Variants in PDE4D observed in about 807,000 individuals in gnomAD.
The protein encoded by PDE4D is phosphodiesterase 4D, also known as 3',5'-cyclic-AMP phosphodiesterase 4D.
PDE4D carries 24 observed loss-of-function variants against 87.4 expected under a neutral mutation model. The observed-to-expected ratio is 0.27, with a 90% CI of 0.20 to 0.39. The LOEUF is 0.39. Among genes scored for constraint, PDE4D ranks in the 10% least tolerant of loss-of-function variants. The pLI, the probability that PDE4D is intolerant of heterozygous loss-of-function variation, is 1.00. For synonymous variants in PDE4D, 384 were observed against 383.2 expected, an observed-to-expected ratio of 1.00 and a Z score of -0.02; for missense variants, 714 against 1,041.0, an observed-to-expected ratio of 0.69 and a Z score of 4.32.
At chr5:59,241,025 T>C (rs1757562185) in intron 1 of PDE4D, among the ~76,000 whole-genome samples, 1 of 152,186 alleles carries the variant, frequency 6.6e-6, no homozygotes, top group African/African-American at 2.4e-5. Context: ...AGATAAAGCA[T>C]GTGAAGTGCT....
At chr5:60,477,910 A>G (rs1748450977) in intron 1 of PDE4D, among the ~76,000 whole-genome samples, 3 of 152,200 alleles carry the variant, frequency 2.0e-5, no homozygotes, top group African/African-American at 2.4e-5. Context: ...GCTTGCTAAA[A>G]TAATCAGAAT....
chr5:59,608,768 C>G (rs1178512692), intron 1 of PDE4D, among the ~76,000 whole-genome samples: 1 of 152,092 alleles, frequency 6.6e-6, no homozygotes, highest in East Asian at 1.9e-4. Context: ...AGTCCCCCTC[C>G]CACTCTATCC....
chr5:59,536,571 G>C (rs1249684617), intron 1 of PDE4D, among the ~76,000 whole-genome samples: 1 of 135,790 alleles, frequency 7.4e-6, no homozygotes, highest in Middle Eastern at 3.8e-3. Flanking sequence ...TTTTCCACAT[G>C]AATGTTGGAA....
intron 5 of PDE4D, among the ~76,000 whole-genome samples, chr5:59,052,029 C>T (rs1013051552): frequency 6.6e-6 from 1 of 152,096 alleles, no homozygotes; most frequent in Non-Finnish European, 1.5e-5. Flanking sequence ...GTGATAGTTG[C>T]TGTGAAATAC....
chr5:59,273,862 C>A (rs1764312340), intron 1 of PDE4D, among the ~76,000 whole-genome samples: 1 of 152,082 alleles, frequency 6.6e-6, no homozygotes, highest in Non-Finnish European at 1.5e-5. Flanking sequence ...TAAAGGGTGT[C>A]AATGTTACTC....
intron 1 of PDE4D, among the ~76,000 whole-genome samples, chr5:59,330,317 T>C (rs1776484067): frequency 6.6e-6 from 1 of 152,142 alleles, no homozygotes; most frequent in Admixed American, 6.5e-5. Flanking sequence ...AAGCCAACTT[T>C]CCCTTGGTAA....
At chr5:59,085,432 C>G (rs1289203319) in intron 5 of PDE4D, among the ~76,000 whole-genome samples, 1 of 151,940 alleles carries the variant, frequency 6.6e-6, no homozygotes, top group Non-Finnish European at 1.5e-5. Context: ...GTTTTCTCCC[C>G]CTTGCTTATT....
intron 1 of PDE4D, among the ~76,000 whole-genome samples, chr5:59,727,958 A>AT (rs1239216097): frequency 2.6e-5 from 4 of 152,056 alleles, no homozygotes; most frequent in Non-Finnish European, 5.9e-5. Context: ...GGATCTTTGC[A>AT]TTTTGCCTTC....
intron 1 of PDE4D, among the ~76,000 whole-genome samples, chr5:59,798,520 A>T (rs979856949): frequency 6.6e-6 from 1 of 152,158 alleles, no homozygotes; most frequent in East Asian, 1.9e-4. Context: ...GCCATTAAGT[A>T]AGAAAAATCT....
chr5:59,637,798 G>A (rs1402871659), intron 1 of PDE4D, among the ~76,000 whole-genome samples: 2 of 152,188 alleles, frequency 1.3e-5, no homozygotes, highest in Non-Finnish European at 2.9e-5. Context: ...AATACCTAAT[G>A]TAGATGATGA....
intron 5 of PDE4D, among the ~76,000 whole-genome samples, chr5:59,127,470 G>A (rs1028723269): frequency 1.4e-4 from 22 of 151,792 alleles, no homozygotes; most frequent in Admixed American, 1.4e-3. Context: ...ATGAGCCCAG[G>A]CAGCAGTGTG....
chr5:60,483,042 G>A (rs1434680470), intron 1 of PDE4D, among the ~76,000 whole-genome samples: 1 of 152,192 alleles, frequency 6.6e-6, no homozygotes, highest in East Asian at 1.9e-4. Flanking sequence ...TACTGTATAT[G>A]AAACTTAAAC....
chr5:59,873,253 C>G (rs182459542), intron 1 of PDE4D, among the ~76,000 whole-genome samples: 1 of 152,172 alleles, frequency 6.6e-6, no homozygotes, highest in Non-Finnish European at 1.5e-5. Flanking sequence ...ACCCAGATGA[C>G]ACAGATTTTT....
intron 1 of PDE4D, among the ~76,000 whole-genome samples, chr5:60,189,656 T>C (rs999830885): frequency 2.0e-5 from 3 of 152,204 alleles, no homozygotes; most frequent in Non-Finnish European, 4.4e-5. Flanking sequence ...ACAGGACATG[T>C]TTTATATATG....
intron 1 of PDE4D, among the ~76,000 whole-genome samples, chr5:59,391,972 T>A (rs419744): frequency 0.42 from 62,250 of 147,940 alleles, 13,414 homozygotes; most frequent in East Asian, 0.48. Context: ...CATATATATA[T>A]AATATATAAA....
chr5:59,411,685 A>G (rs1273344435), intron 1 of PDE4D, among the ~76,000 whole-genome samples: 4 of 152,152 alleles, frequency 2.6e-5, no homozygotes, highest in African/African-American at 4.8e-5. Context: ...GGGCCACTCT[A>G]AAGACCTCAT....
At chr5:59,684,626 TG>T (rs1749559863) in intron 1 of PDE4D, among the ~76,000 whole-genome samples, 1 of 152,142 alleles carries the variant, frequency 6.6e-6, no homozygotes, top group Non-Finnish European at 1.5e-5. Context: ...AGTCTCTGTG[TG>T]GGGCCGTGAG....
intron 1 of PDE4D, among the ~76,000 whole-genome samples, chr5:59,394,593 T>TTACTA (rs10626836): frequency 0.42 from 63,161 of 151,800 alleles, 13,384 homozygotes; most frequent in East Asian, 0.48. Flanking sequence ...TATTACAAGT[T>TTACTA]TACTATACAA....
chr5:59,570,710 C>T (rs781274746), intron 1 of PDE4D, among the ~76,000 whole-genome samples: 7 of 151,590 alleles, frequency 4.6e-5, no homozygotes, highest in Non-Finnish European at 1.0e-4. Context: ...AATTTCTATC[C>T]GAACTAAGCT....
Sources: allele counts gnomAD v4.1 joint callset (sites outside exome capture counted in the v4.1 genomes callset), GRCh38; gene constraint gnomAD v4.1.1; transcripts MANE v1.5; gene names NCBI Gene and HGNC (gene_info 2026-07-23, HGNC 2026-07-21).